The following RING1 variants were observed in gnomAD, a reference collection of about 807,000 sequenced individuals.
RING1 encodes the protein E3 ubiquitin-protein ligase RING1.
RING1 carries 8 observed loss-of-function variants against 35.0 expected under a neutral mutation model. The observed-to-expected ratio is 0.23, with a 90% confidence interval of 0.13 to 0.41. RING1 has a LOEUF of 0.41. Among genes scored for constraint, RING1 ranks in the 10% least tolerant of loss-of-function variants. The pLI, the probability that RING1 is intolerant of heterozygous loss-of-function variation, is 1.00. For missense variants in RING1, 343 were observed against 546.8 expected (o/e 0.63, Z 3.72); for synonymous variants, 214 against 224.3 (o/e 0.95, Z 0.41).
In RING1 at chr6:33,211,979, G is replaced by A. The variant is rs1024344729; in HGVS notation, c.1096G>A (p.Ala366Thr). The A allele has an allele frequency of 2.6e-6, 4 of 1,549,154 alleles. No homozygotes were observed. Among genetic ancestry groups the A allele is most frequent in the Non-Finnish European group, 3.5e-6 (4 of 1,145,064 alleles). ...TGAAAAGCAGTACACCATCTACATC[G>A]CACCTGGAGGCGGGGCGTTCACGGT... ...VSEKQYTIYI[A>T]PGGGAFTTLN... Residue 366 changes from alanine to threonine, a missense_variant, in exon 6 of 7, where the codon GCA becomes ACA. By Grantham distance (58) the Ala-to-Thr change is moderately conservative. This residue lies in a region of RING1 where 278 missense variants were observed against 383.5 expected (regional missense o/e 0.72). Coordinates refer to ENST00000374656, the MANE Select transcript of RING1 (RefSeq NM_002931.4). This position sits in a 1 kb window ranked among gnomAD's most constrained non-coding sequence, Gnocchi z 6.3.
At position 33,208,767 on chromosome 6, in the gene RING1, T is replaced by G. The variant is rs1314392184; in HGVS notation, c.-56T>G. On this transcript the variant is annotated splice_region_variant and 5_prime_UTR_variant, in exon 2 of 7. Coordinates refer to ENST00000374656, the MANE Select transcript of RING1 (RefSeq NM_002931.4). This position sits in a 1 kb window ranked among gnomAD's most constrained non-coding sequence, Gnocchi z 6.2. ...CCTCCCCTTCCCCCCACCCCCAGCC[T>G]TCTTCGCCTTCTCCTCGGCTGTGGA... 5.5e-6 allele frequency: 7 copies of G among 1,263,772 alleles called. No homozygotes were observed. The highest frequency in any genetic ancestry group is 3.1e-5 in the African/African-American group (2 of 65,088). 78.3% of individuals were successfully genotyped at this position (1,263,772 alleles called of 1,614,324 possible). A position where few individuals can be genotyped will look rare whatever the true frequency, so the allele number is the denominator to read the frequency against.
rs763222116 is a variant in RING1, at chr6:33,211,545, G to T, written c.843G>T (p.Thr281=). 2 of 1,610,556 alleles carry T rather than the reference G, an allele frequency of 1.2e-6. No individual in the cohort carries two copies. Among genetic ancestry groups the T allele is most frequent in the South Asian group, 2.2e-5 (2 of 91,050 alleles). Residue 281 remains threonine (T), a splice_region_variant and synonymous_variant, in exon 5 of 7, where the codon ACG becomes ACT. Transcript: ENST00000374656. The surrounding 1 kb of genome is among the most constrained non-coding windows in gnomAD (Gnocchi z 6.3). ...LLVEKGEYCQ[T]RYVKTTGNAT... is the part of the protein sequence containing the mutation. ...TGGAGAAGGGAGAATACTGCCAGAC[G>T]AGGTGAGGAGCCCTGTCTTTCCCCA... is the stretch of plus-strand genomic sequence containing the variant.
chr6:33,208,947 T>C lies in RING1; in HGVS notation c.78+47T>C, dbSNP rs748722806. The stretch of plus-strand genomic sequence containing the variant: ...AGGCTTACCCCCTCCCCCAAACCCT[T>C]ATATCCACAGACCGCATCACACAGC... On this transcript the variant is annotated intron_variant, in intron 2 of 6. Transcript: ENST00000374656. This position sits in a 1 kb window ranked among gnomAD's most constrained non-coding sequence, Gnocchi z 6.2. 1.4e-6 allele frequency: 2 copies of C among 1,462,268 alleles called. No individual in the cohort carries two copies. Among genetic ancestry groups the C allele is most frequent in the Admixed American group, 3.5e-5 (2 of 56,450 alleles). The allele number at this position is 1,462,268 out of a possible 1,614,324, so 90.6% of individuals were successfully genotyped here. A position where few individuals can be genotyped will look rare whatever the true frequency, so the allele number is the denominator to read the frequency against.
chr6:33,208,811 C>T lies in RING1; in HGVS notation c.-12C>T. The T allele has an allele frequency of 1.9e-6, 3 of 1,595,954 alleles. No individual in the cohort carries two copies. Among genetic ancestry groups the T allele is most frequent in the South Asian group, 1.1e-5 (1 of 89,158 alleles). ...CTGTGGAGCCCTGGTGGGGGGTCTG[C>T]GCCCGGTCACCATGACGACGCCGGC... On this transcript the variant is annotated 5_prime_UTR_variant, in exon 2 of 7. Transcript: ENST00000374656. This position sits in a 1 kb window ranked among gnomAD's most constrained non-coding sequence, Gnocchi z 6.2.
rs1005429129 is a variant in RING1 at position 33,208,612 on chromosome 6, G to A, written c.-91G>A. 6 of 517,766 alleles carry A rather than the reference G, an allele frequency of 1.2e-5. No homozygotes were observed. Among genetic ancestry groups the A allele is most frequent in the Non-Finnish European group, 2.0e-5 (6 of 297,596 alleles). The allele number at this position is 517,766 out of a possible 1,614,324, so 32.1% of individuals were successfully genotyped here. On this transcript the variant is annotated 5_prime_UTR_variant, in exon 1 of 7. Transcript: ENST00000374656. This position sits in a 1 kb window ranked among gnomAD's most constrained non-coding sequence, Gnocchi z 6.2. The stretch of plus-strand genomic sequence containing the variant: ...GGAGCCCGGGCCTAGGGAGAGGCGC[G>A]GCGGCGGCGGGAGCGCGAACGGCTG...
chr6:33,210,197 A>G, intron 4 of RING1, 67 bp downstream of exon 4: 1 of 1,422,088 alleles, frequency 7.0e-7, no homozygotes, highest in Admixed American at 1.8e-5. Flanking sequence ...GTTGCCTGCT[A>G]GCTTCTAAGC....
rs1178740052 is a variant in RING1 at position 33,211,043 on chromosome 6, T to C, written c.456-115T>C. ...ATACTGAGTGCTTAGCACATTGTGT[T>C]TAATAAATATTAGGTATCGTCATTA... On this transcript the variant is annotated intron_variant, in intron 4 of 6. Transcript: ENST00000374656. This position sits in a 1 kb window ranked among gnomAD's most constrained non-coding sequence, Gnocchi z 6.3. 4.1e-6 allele frequency: 5 copies of C among 1,210,756 alleles called. No individual in the cohort carries two copies. Among genetic ancestry groups the C allele is most frequent in the Non-Finnish European group, 5.7e-6 (5 of 873,716 alleles). 75.0% of individuals were successfully genotyped at this position (1,210,756 alleles called of 1,614,324 possible).
Position 33,209,279 on chromosome 6 carries a change from C to A in RING1, c.79-347C>A. On this transcript the variant is annotated intron_variant, in intron 2 of 6. Transcript: ENST00000374656. This position sits in a 1 kb window ranked among gnomAD's most constrained non-coding sequence, Gnocchi z 5.1. ...GGGTTCTCAGAATCTGAATTTTTAA[C>A]AGGCACCCTATGGGGTTCTAATACA... The A allele has an allele frequency of 1.8e-6, 1 of 562,462 alleles. No homozygotes were observed. The allele number at this position is 562,462 out of a possible 1,614,324, so 34.8% of individuals were successfully genotyped here.
At position 33,208,716 on chromosome 6, in the gene RING1, G is replaced by A; in HGVS notation, c.-58-49G>A. On this transcript the variant is annotated intron_variant, in intron 1 of 6. Transcript: ENST00000374656. The surrounding 1 kb of genome is among the most constrained non-coding windows in gnomAD (Gnocchi z 6.2). ...GCGCTTCTGGAGGGGCGGGGTCTAC[G>A]CGAGGGGCGGCCCCCCTGACGCCCT... is the stretch of plus-strand genomic sequence containing the variant. The A allele has an allele frequency of 1.1e-6, 1 of 924,164 alleles. No individual in the cohort carries two copies. Among genetic ancestry groups the A allele is most frequent in the Non-Finnish European group, 1.6e-6 (1 of 635,042 alleles). The allele number at this position is 924,164 out of a possible 1,614,324, so 57.2% of individuals were successfully genotyped here. A position where few individuals can be genotyped will look rare whatever the true frequency, so the allele number is the denominator to read the frequency against.
intron 4 of RING1, among the ~76,000 whole-genome samples, chr6:33,210,407 C>G (rs112834551): frequency 1.3e-5 from 2 of 152,104 alleles, no homozygotes; most frequent in Admixed American, 6.5e-5. Context: ...TTGAGACCAC[C>G]TTGAATAACA....
intron 6 of RING1, 106 bp downstream of exon 6, chr6:33,212,108 A>G (rs1344042300): frequency 2.1e-6 from 2 of 953,896 alleles, no homozygotes; most frequent in Non-Finnish European, 3.1e-6. Context: ...CTTCCCCTAT[A>G]CATCCTCTAT....
Position 33,211,722 on chromosome 6 carries a change from A to T in RING1, c.846-7A>T. ...TGGCTCTAAGCCTGTCCTCCCTCCC[A>T]TTCCAGGTATGTGAAGACAACTGGG... On this transcript the variant is annotated splice_region_variant and splice_polypyrimidine_tract_variant and intron_variant, in intron 5 of 6. Transcript: ENST00000374656. The surrounding 1 kb of genome is among the most constrained non-coding windows in gnomAD (Gnocchi z 6.3). The T allele has an allele frequency of 6.5e-7, 1 of 1,538,026 alleles. No homozygotes were observed.
chr6:33,211,022 T>A lies in RING1; in HGVS notation c.456-136T>A. ...GATTGGTGCAAAACACTTAGTATAC[T>A]GAGTGCTTAGCACATTGTGTTTAAT... On this transcript the variant is annotated intron_variant, in intron 4 of 6. Coordinates refer to ENST00000374656, the MANE Select transcript of RING1 (RefSeq NM_002931.4). The surrounding 1 kb of genome is among the most constrained non-coding windows in gnomAD (Gnocchi z 6.3). 1.0e-6 allele frequency: 1 copy of A among 971,938 alleles called. No individual in the cohort carries two copies. Among genetic ancestry groups the A allele is most frequent in the Non-Finnish European group, 1.5e-6 (1 of 666,050 alleles). 60.2% of individuals were successfully genotyped at this position (971,938 alleles called of 1,614,324 possible).
chr6:33,211,864 A>AGGACCT lies in RING1; in HGVS notation c.983_988dup (p.Gly328_Pro329dup). 6.3e-7 allele frequency: 1 copy of AGGACCT among 1,590,918 alleles called. No individual in the cohort carries two copies. The highest frequency in any genetic ancestry group is 8.6e-7 in the Non-Finnish European group (1 of 1,161,620). On this transcript the variant is annotated inframe_insertion, in exon 6 of 7. Transcript: ENST00000374656. This position sits in a 1 kb window ranked among gnomAD's most constrained non-coding sequence, Gnocchi z 6.3. ...CTGGAGGGGGCGCCTCTGACACCGG[A>AGGACCT]GGACCTGATGGGTGTGGCGGGGAGG...
At chr6:33,212,133 C>A in intron 6 of RING1, 131 bp downstream of exon 6, 1 of 846,204 alleles carries the variant, frequency 1.2e-6, no homozygotes. Context: ...TTCTATGTCC[C>A]CTCTCCTTTC....
chr6:33,210,821 G>A (rs896114457), intron 4 of RING1, among the ~76,000 whole-genome samples: 3 of 152,104 alleles, frequency 2.0e-5, no homozygotes, highest in Non-Finnish European at 4.4e-5. Context: ...AGTTGGGCCC[G>A]AGAGTCTGCA....
In RING1 at chr6:33,208,878, A is replaced by G. The variant is rs1775335457; in HGVS notation, c.56A>G (p.Tyr19Cys). Residue 19 changes from tyrosine to cysteine, a missense_variant, in exon 2 of 7, where the codon TAT becomes TGT. Physicochemically the swap from Tyr to Cys is radical, Grantham distance 194. Around this residue, in one of 2 missense-constraint regions of RING1, gnomAD observed 65 missense variants for 163.3 expected, o/e 0.40. Transcript: ENST00000374656. This position sits in a 1 kb window ranked among gnomAD's most constrained non-coding sequence, Gnocchi z 6.2. ...AGCAAAACGTGGGAACTGAGTCTGT[A>G]TGAGCTGCACCGGACCCCGCAGGTG... Reference protein sequence around the residue: ...NASKTWELSLYELHRTPQEAI... With the variant: ...NASKTWELSLCELHRTPQEAI... 6.2e-7 allele frequency: 1 copy of G among 1,612,426 alleles called. No individual in the cohort carries two copies. The highest frequency in any genetic ancestry group is 1.7e-5 in the Admixed American group (1 of 59,968).
At position 33,211,826 on chromosome 6, in the gene RING1, G is replaced by C. The variant is rs1348104764; in HGVS notation, c.943G>C (p.Glu315Gln). 1 of 1,610,464 alleles carries C rather than the reference G, an allele frequency of 6.2e-7. No individual in the cohort carries two copies. Among genetic ancestry groups the C allele is most frequent in the Non-Finnish European group, 8.5e-7 (1 of 1,178,398 alleles). The change falls in exon 6 of 7, where the codon GAG (glutamate) becomes CAG (glutamine). Residue 315 changes from glutamate (E) to glutamine (Q), a missense_variant. By Grantham distance (29) the Glu-to-Gln change is conservative. Coordinates refer to ENST00000374656, the MANE Select transcript of RING1 (RefSeq NM_002931.4). This position sits in a 1 kb window ranked among gnomAD's most constrained non-coding sequence, Gnocchi z 6.3. ...LERRQQQEAGEPGGPGGGASD... is the reference protein window; with the variant it reads ...LERRQQQEAGQPGGPGGGASD... ...GCGGAGGCAACAGCAGGAAGCAGGGGAGCCAGGAGGGCCTGGAGGGGGCGC... is the reference window on the plus strand; with the variant it reads ...GCGGAGGCAACAGCAGGAAGCAGGGCAGCCAGGAGGGCCTGGAGGGGGCGC...
Position 33,208,967 on chromosome 6 carries a change from C to T in RING1, c.78+67C>T. On this transcript the variant is annotated intron_variant, in intron 2 of 6. Coordinates refer to ENST00000374656, the MANE Select transcript of RING1 (RefSeq NM_002931.4). This position sits in a 1 kb window ranked among gnomAD's most constrained non-coding sequence, Gnocchi z 6.2. The stretch of plus-strand genomic sequence containing the variant: ...ACCCTTATATCCACAGACCGCATCA[C>T]ACAGCTTCTTTTCCGTAATTTGCTC... 1 of 1,293,786 alleles carries T rather than the reference C, an allele frequency of 7.7e-7. No individual in the cohort carries two copies. Among genetic ancestry groups the T allele is most frequent in the Admixed American group, 1.9e-5 (1 of 52,772 alleles). 80.1% of individuals were successfully genotyped at this position (1,293,786 alleles called of 1,614,324 possible). A position where few individuals can be genotyped will look rare whatever the true frequency, so the allele number is the denominator to read the frequency against.
Sources: gnomAD v4.1 joint callset for allele counts (sites outside exome capture counted in the v4.1 genomes callset) on GRCh38, gnomAD v4.1.1 for gene constraint, gnomAD v4.1.1 regional missense constraint, Gnocchi (gnomAD v3.1) non-coding constraint, MANE v1.5 for transcripts, NCBI Gene and HGNC (gene_info 2026-07-23, HGNC 2026-07-21) for gene names.